MARCHF1: variants seen among roughly 807,000 people sequenced by gnomAD.
The protein encoded by MARCHF1 is membrane associated ring-CH-type finger 1.
A neutral mutation model predicts 54.2 loss-of-function variants in MARCHF1; 40 were observed. The observed-to-expected ratio is 0.74, with a 90% confidence interval of 0.57 to 0.96. The LOEUF is 0.96. Ranked by LOEUF, MARCHF1 falls within the 40% of genes least tolerant of loss-of-function variation. The probability of loss-of-function intolerance (pLI) is 0.00; values close to 1 mark genes in which losing one functional copy is unlikely to be tolerated. For missense variants in MARCHF1, 586 were observed against 656.5 expected, an observed-to-expected ratio of 0.89 and a Z score of 1.17; for synonymous variants, 236 against 236.3, an observed-to-expected ratio of 1.00 and a Z score of 0.01.
chr4:163,586,271 T>C (rs1740409260), intron 7 of MARCHF1, among the ~76,000 whole-genome samples: 1 of 152,176 alleles, frequency 6.6e-6, no homozygotes, highest in African/African-American at 2.4e-5. Context: ...CTTCAGGCTA[T>C]GTGTACAAAG....
intron 8 of MARCHF1, among the ~76,000 whole-genome samples, chr4:163,554,816 TCA>T (rs1255850461): frequency 2.0e-5 from 3 of 152,214 alleles, no homozygotes; most frequent in African/African-American, 7.2e-5. Context: ...CATTTTATGT[TCA>T]GTCAACTAAA....
chr4:163,974,393 G>T (rs1752608825), intron 3 of MARCHF1, among the ~76,000 whole-genome samples: 1 of 152,090 alleles, frequency 6.6e-6, no homozygotes, highest in Non-Finnish European at 1.5e-5. Flanking sequence ...GCTATGTGTG[G>T]GTGTTTCAGT....
chr4:164,297,340 T>C (rs1734438044), intron 1 of MARCHF1, among the ~76,000 whole-genome samples: 1 of 152,096 alleles, frequency 6.6e-6, no homozygotes, highest in Admixed American at 6.6e-5. Flanking sequence ...ACTGTCTAAG[T>C]GATTGAGATT....
At chr4:164,311,526 G>A (rs1257812930) in intron 1 of MARCHF1, among the ~76,000 whole-genome samples, 1 of 152,090 alleles carries the variant, frequency 6.6e-6, no homozygotes, top group African/African-American at 2.4e-5. Flanking sequence ...GTGTGTTGAA[G>A]TTCTGAAAAG....
At chr4:164,178,997 G>A (rs1730761731) in intron 1 of MARCHF1, among the ~76,000 whole-genome samples, 1 of 152,112 alleles carries the variant, frequency 6.6e-6, no homozygotes, top group Admixed American at 6.6e-5. Context: ...GTTCAGGGCT[G>A]CAGTTTATAG....
chr4:163,826,978 G>T (rs958618778), intron 4 of MARCHF1, among the ~76,000 whole-genome samples: 2 of 151,890 alleles, frequency 1.3e-5, no homozygotes, highest in Non-Finnish European at 2.9e-5. Flanking sequence ...TAAGTTTATG[G>T]TTTCCTTAAA....
At chr4:163,994,064 G>T (rs1257512738) in intron 2 of MARCHF1, among the ~76,000 whole-genome samples, 2 of 151,972 alleles carry the variant, frequency 1.3e-5, no homozygotes, top group Non-Finnish European at 1.5e-5. Context: ...AGTAAATCTA[G>T]CTGAACAAGG....
chr4:164,332,931 G>T lies in MARCHF1; in HGVS notation c.-323+50939C>A, dbSNP rs548919629. ...AAGTATATAGTAAAGTATAATGAAA[G>T]TATACAAATATACTTTCATTATTGC... On this transcript the variant is annotated intron_variant, in intron 1 of 9. Transcript: ENST00000514618. 2.6e-5 allele frequency among the ~76,000 whole-genome samples: 4 copies of T among 152,104 alleles called. 1 individual carries two copies. In the South Asian group the frequency reaches 8.3e-4, roughly 32 times the overall value.
chr4:163,616,834 TGGAAA>T (rs58077518), intron 5 of MARCHF1, among the ~76,000 whole-genome samples: 8,852 of 152,118 alleles, frequency 0.058, 819 homozygotes, highest in African/African-American at 0.2. Flanking sequence ...ACAGACATTA[TGGAAA>T]ACAGTAGGGA....
At chr4:163,884,707 C>T (rs1466725037) in intron 3 of MARCHF1, among the ~76,000 whole-genome samples, 1 of 152,126 alleles carries the variant, frequency 6.6e-6, no homozygotes, top group African/African-American at 2.4e-5. Context: ...TATCTTCAGT[C>T]CATATTGTCC....
At chr4:163,583,232 A>G (rs1248612055) in intron 8 of MARCHF1, among the ~76,000 whole-genome samples, 2 of 152,236 alleles carry the variant, frequency 1.3e-5, no homozygotes, top group African/African-American at 4.8e-5. Context: ...GGTTGTTGTC[A>G]TATGGGAATG....
At chr4:163,778,796 A>G (rs1481563499) in intron 4 of MARCHF1, among the ~76,000 whole-genome samples, 1 of 152,024 alleles carries the variant, frequency 6.6e-6, no homozygotes, top group Admixed American at 6.6e-5. Flanking sequence ...GAGCTAAACA[A>G]TGTGTACACG....
intron 5 of MARCHF1, among the ~76,000 whole-genome samples, chr4:163,626,724 C>T (rs536165193): frequency 3.5e-4 from 53 of 152,128 alleles, no homozygotes; most frequent in Non-Finnish European, 6.0e-4. Flanking sequence ...GTCAGGACAT[C>T]GAGACCATCC....
chr4:164,007,881 A>G (rs1753331879), intron 2 of MARCHF1, among the ~76,000 whole-genome samples: 1 of 152,192 alleles, frequency 6.6e-6, no homozygotes, highest in Non-Finnish European at 1.5e-5. Flanking sequence ...TCACTTATCC[A>G]TAAAGGAAGA....
intron 8 of MARCHF1, among the ~76,000 whole-genome samples, chr4:163,556,685 G>A (rs1381332474): frequency 1.3e-5 from 2 of 151,878 alleles, no homozygotes; most frequent in African/African-American, 4.8e-5. Flanking sequence ...ATGAGAGCCT[G>A]TGAAACTTGA....
intron 3 of MARCHF1, among the ~76,000 whole-genome samples, chr4:163,862,103 T>C (rs1489375215): frequency 6.6e-6 from 1 of 152,032 alleles, no homozygotes; most frequent in East Asian, 1.9e-4. Flanking sequence ...TGCAAAACTG[T>C]AAACCTCTAC....
At chr4:163,587,831 A>G (rs1255620028) in intron 7 of MARCHF1, among the ~76,000 whole-genome samples, 2 of 149,192 alleles carry the variant, frequency 1.3e-5, no homozygotes, top group African/African-American at 2.6e-5. Context: ...AAAAATCTAC[A>G]TAATTGCTTT....
chr4:163,720,874 A>C (rs1195277406), intron 4 of MARCHF1, among the ~76,000 whole-genome samples: 2 of 152,180 alleles, frequency 1.3e-5, no homozygotes, highest in Non-Finnish European at 2.9e-5. Flanking sequence ...TTGCACACTG[A>C]TTTTGTATCC....
intron 4 of MARCHF1, among the ~76,000 whole-genome samples, chr4:163,719,867 T>C (rs1745388227): frequency 6.6e-6 from 1 of 152,194 alleles, no homozygotes. Context: ...CGCCCGCTTG[T>C]TGATGGGGTT....
Sources: gnomAD v4.1 joint callset for allele counts (sites outside exome capture counted in the v4.1 genomes callset) on GRCh38, gnomAD v4.1.1 for gene constraint, MANE v1.5 for transcripts, NCBI Gene and HGNC (gene_info 2026-07-23, HGNC 2026-07-21) for gene names.